The following HS6ST2 variants were observed in gnomAD, a reference collection of about 807,000 sequenced individuals.
HS6ST2 encodes heparan sulfate 6-O-sulfotransferase 2.
Under a neutral mutation model 33.0 loss-of-function variants are expected in HS6ST2, and 17 were observed. That is an observed-to-expected ratio of 0.52 (90% CI 0.35 to 0.77). HS6ST2 has a LOEUF of 0.77. Among genes scored for constraint, HS6ST2 ranks in the 30% least tolerant of loss-of-function variants. The pLI, the probability that HS6ST2 is intolerant of heterozygous loss-of-function variation, is 0.01. For synonymous variants in HS6ST2, 248 were observed against 237.1 expected (o/e 1.05, Z -0.42); for missense variants, 519 against 551.7 (o/e 0.94, Z 0.59).
chrX:132,811,128 T>C (rs1396407983), intron 2 of HS6ST2, among the ~76,000 whole-genome samples: 6 of 111,932 alleles, frequency 5.4e-5, no homozygotes, highest in African/African-American at 1.9e-4. Flanking sequence ...GTCACTATTG[T>C]GTACACAGCA....
intron 4 of HS6ST2, among the ~76,000 whole-genome samples, chrX:132,662,969 G>A (rs1056068157): frequency 1.8e-5 from 2 of 111,855 alleles, no homozygotes; most frequent in Admixed American, 9.5e-5. Flanking sequence ...ACTGCAATAC[G>A]TTGGCAGCTG....
chrX:132,746,283 A>G lies in HS6ST2; in HGVS notation c.948-37789T>C, dbSNP rs779593774. Among the ~76,000 whole-genome samples, 137 of 111,170 alleles carry G rather than the reference A, an allele frequency of 1.2e-3. 1 individual carries two copies. Among genetic ancestry groups the G allele is most frequent in the Admixed American group, 1.9e-3 (20 of 10,459 alleles). ...TTTGGGAGGCTGAGGCAGGCGGATC[A>G]TGAGGTCAGGAGATCGAGACCATCC... On this transcript the variant is annotated intron_variant, in intron 2 of 4. Transcript: ENST00000370833.
chrX:132,650,195 C>T (rs763922641), intron 4 of HS6ST2, among the ~76,000 whole-genome samples: 1 of 111,518 alleles, frequency 9.0e-6, no homozygotes, highest in Non-Finnish European at 1.9e-5. Flanking sequence ...AAACCCATTC[C>T]GGAGGTTCAG....
At chrX:132,728,040 T>C (rs773059995) in intron 2 of HS6ST2, among the ~76,000 whole-genome samples, 3 of 112,200 alleles carry the variant, frequency 2.7e-5, no homozygotes, top group East Asian at 5.6e-4. Context: ...TATCCATTCA[T>C]CCACTGATGG....
chrX:132,868,970 C>CA (rs1366374447), intron 2 of HS6ST2, among the ~76,000 whole-genome samples: 1 of 99,555 alleles, frequency 1.0e-5, no homozygotes. Flanking sequence ...AAAAACCCTT[C>CA]AAAAAATCAA....
rs534004258 is a variant in HS6ST2, at chrX:132,870,914, C to T, written c.947+85894G>A. ...TGCAACAAAAGCCAAAATGGACAAA[C>T]GGAATCTAATTAAACTAAACAGCTG... On this transcript the variant is annotated intron_variant, in intron 2 of 4. Transcript: ENST00000370833. Among the ~76,000 whole-genome samples the T allele has an allele frequency of 3.0e-4, 33 of 110,833 alleles. 1 individual carries two copies. In the South Asian group the frequency reaches 0.011, roughly 39 times the overall value.
chrX:132,925,421 AG>A (rs1441375420), intron 2 of HS6ST2, among the ~76,000 whole-genome samples: 1 of 112,311 alleles, frequency 8.9e-6, no homozygotes, highest in Non-Finnish European at 1.9e-5. Context: ...CCAGAAGTAC[AG>A]GTGACAACCT....
chrX:132,720,277 G>A (rs12392638), intron 2 of HS6ST2, among the ~76,000 whole-genome samples: 33,573 of 110,797 alleles, frequency 0.3, 3,981 homozygotes, highest in Non-Finnish European at 0.35. Flanking sequence ...TGAAAATGTG[G>A]ACACCCCATA....
intron 2 of HS6ST2, among the ~76,000 whole-genome samples, chrX:132,709,417 C>G (rs2064211485): frequency 9.0e-6 from 1 of 111,520 alleles, no homozygotes; most frequent in African/African-American, 3.3e-5. Flanking sequence ...TTAAGAGAGC[C>G]TTTTTTAATA....
At chrX:132,777,787 C>G (rs1025945926) in intron 2 of HS6ST2, among the ~76,000 whole-genome samples, 2 of 110,645 alleles carry the variant, frequency 1.8e-5, no homozygotes, top group African/African-American at 6.6e-5. Flanking sequence ...GACTAATGCT[C>G]CATGTCCTTT....
chrX:132,678,847 G>A (rs752832701), intron 3 of HS6ST2, among the ~76,000 whole-genome samples: 11 of 112,136 alleles, frequency 9.8e-5, no homozygotes, highest in East Asian at 2.8e-4. Flanking sequence ...ACTGTTAAAC[G>A]CTAAACCTTG....
intron 2 of HS6ST2, among the ~76,000 whole-genome samples, chrX:132,792,519 C>T (rs1391253065): frequency 8.9e-6 from 1 of 111,907 alleles, no homozygotes; most frequent in Non-Finnish European, 1.9e-5. Context: ...ATTCACATAC[C>T]ATACAATTCT....
At chrX:132,951,648 A>T (rs922380194) in intron 2 of HS6ST2, among the ~76,000 whole-genome samples, 3 of 111,812 alleles carry the variant, frequency 2.7e-5, no homozygotes, top group African/African-American at 9.8e-5. Context: ...TGCACTTCAC[A>T]TGCTAATCTT....
chrX:132,944,558 C>T (rs1446701506), intron 2 of HS6ST2, among the ~76,000 whole-genome samples: 1 of 111,584 alleles, frequency 9.0e-6, no homozygotes, highest in Non-Finnish European at 1.9e-5. Context: ...CAATCCTAAG[C>T]CAAAAGAACA....
At chrX:132,864,908 C>G (rs1304991838) in intron 2 of HS6ST2, among the ~76,000 whole-genome samples, 1 of 111,809 alleles carries the variant, frequency 8.9e-6, no homozygotes, top group Non-Finnish European at 1.9e-5. Context: ...AACAGCAGAT[C>G]TCTCTGCAGA....
At chrX:132,875,169 T>C (rs907211811) in intron 2 of HS6ST2, among the ~76,000 whole-genome samples, 8 of 112,081 alleles carry the variant, frequency 7.1e-5, no homozygotes, top group Non-Finnish European at 1.1e-4. Flanking sequence ...GGAGTTCAGA[T>C]TGGAGACTAT....
chrX:132,793,693 G>A (rs899366840), intron 2 of HS6ST2, among the ~76,000 whole-genome samples: 8 of 111,909 alleles, frequency 7.1e-5, no homozygotes, highest in African/African-American at 2.6e-4. Flanking sequence ...ATTAGAGTTG[G>A]GGTGAAAACG....
rs1204086970 is a variant in HS6ST2 at position 132,701,145 on chromosome X, ACTAATTAGCTGCAC to A, written c.980+7303_980+7316del. ...CTTGTGTTCTTCTCTTGCATCTGCCACTAATTAGCTGCACGTACTTAGATAAGTCATTGCCTTGA... is the reference window on the plus strand; with the variant it reads ...CTTGTGTTCTTCTCTTGCATCTGCCAGTACTTAGATAAGTCATTGCCTTGA... On this transcript the variant is annotated intron_variant, in intron 3 of 4. Transcript: ENST00000370833. 2.7e-5 allele frequency among the ~76,000 whole-genome samples: 3 copies of A among 112,415 alleles called. No individual in the cohort carries two copies. In the East Asian group the frequency reaches 8.4e-4, roughly 31 times the overall value.
chrX:132,764,711 T>C (rs1227354493), intron 2 of HS6ST2, among the ~76,000 whole-genome samples: 1 of 111,868 alleles, frequency 8.9e-6, no homozygotes, highest in Non-Finnish European at 1.9e-5. Flanking sequence ...ACTTACCAAG[T>C]TAATGAACAC....
Sources: gnomAD v4.1 joint callset for allele counts (sites outside exome capture counted in the v4.1 genomes callset) on GRCh38, gnomAD v4.1.1 for gene constraint, MANE v1.5 for transcripts, NCBI Gene and HGNC (gene_info 2026-07-23, HGNC 2026-07-21) for gene names.